Variants in PPP2R2B observed in about 807,000 individuals in gnomAD.
PPP2R2B encodes serine/threonine-protein phosphatase 2A 55 kDa regulatory subunit B beta isoform.
A neutral mutation model predicts 46.0 loss-of-function variants in PPP2R2B; 5 were observed. The observed-to-expected ratio is 0.11, with a 90% CI of 0.06 to 0.23. PPP2R2B has a LOEUF of 0.23. Among genes scored for constraint, PPP2R2B ranks in the 10% least tolerant of loss-of-function variants. PPP2R2B has a pLI of 1.00. For synonymous variants in PPP2R2B, 215 were observed against 206.7 expected (o/e 1.04, Z -0.34); for missense variants, 367 against 575.0 (o/e 0.64, Z 3.70).
intron 1 of PPP2R2B, among the ~76,000 whole-genome samples, chr5:147,027,752 G>A (rs528082658): frequency 3.9e-4 from 60 of 152,208 alleles, no homozygotes; most frequent in African/African-American, 1.4e-3. Context: ...GATGATCAAT[G>A]GGAGTATATA....
intron 2 of PPP2R2B, among the ~76,000 whole-genome samples, chr5:146,716,011 T>C (rs1780476875): frequency 6.6e-6 from 1 of 152,198 alleles, no homozygotes; most frequent in Admixed American, 6.6e-5. Context: ...ATTTCATTTA[T>C]CTAATATATT....
At chr5:146,668,594 T>G (rs1221396275) in intron 5 of PPP2R2B, among the ~76,000 whole-genome samples, 3 of 152,224 alleles carry the variant, frequency 2.0e-5, no homozygotes, top group African/African-American at 4.8e-5. Context: ...TGGGGTGACT[T>G]ATGCCTGGTC....
At chr5:146,799,344 A>G (rs1040798902) in intron 2 of PPP2R2B, among the ~76,000 whole-genome samples, 3 of 152,194 alleles carry the variant, frequency 2.0e-5, no homozygotes, top group African/African-American at 7.2e-5. Flanking sequence ...GGGGAGCTCT[A>G]TTTACTTTTG....
chr5:146,903,171 G>A (rs115216303), intron 1 of PPP2R2B, among the ~76,000 whole-genome samples: 234 of 152,198 alleles, frequency 1.5e-3, no homozygotes, highest in Non-Finnish European at 2.6e-3. Context: ...ATAAAAGCAT[G>A]CCATTGATGT....
In PPP2R2B at chr5:146,701,079, C is replaced by G; in HGVS notation, c.134G>C (p.Gly45Ala). 6.2e-7 allele frequency: 1 copy of G among 1,613,916 alleles called. No individual in the cohort carries two copies. Among genetic ancestry groups the G allele is most frequent in the Non-Finnish European group, 8.5e-7 (1 of 1,179,810 alleles). ...TCGTTGAAATATTACAACCCGACCCCCCTTGTCCCCTGTCGCTAGTAATTC... is the reference window on the plus strand; with the variant it reads ...TCGTTGAAATATTACAACCCGACCCGCCTTGTCCCCTGTCGCTAGTAATTC... ...TGELLATGDK[G>A]GRVVIFQREQ... The change falls in exon 3 of 10, where the codon GGG becomes GCG. Residue 45 changes from glycine to alanine, a missense_variant. This residue lies in a region of PPP2R2B where 361 missense variants were observed against 545.5 expected (regional missense o/e 0.66). Transcript: ENST00000394411.
At chr5:146,778,913 C>T (rs770050004) in intron 2 of PPP2R2B, among the ~76,000 whole-genome samples, 11 of 152,170 alleles carry the variant, frequency 7.2e-5, no homozygotes, top group Non-Finnish European at 1.3e-4. Flanking sequence ...AAAACAGAGC[C>T]GGACTCCAAT....
intron 2 of PPP2R2B, among the ~76,000 whole-genome samples, chr5:146,812,336 GTAGATCTAAGGAGGC>G (rs1481444396): frequency 1.3e-5 from 2 of 149,536 alleles, no homozygotes; most frequent in African/African-American, 4.9e-5. Flanking sequence ...CTGGAGCCTA[GTAGATCTAAGGAGGC>G]TTCGTTGTAG....
chr5:146,847,160 T>C (rs1033503633), intron 2 of PPP2R2B, among the ~76,000 whole-genome samples: 2 of 152,236 alleles, frequency 1.3e-5, no homozygotes, highest in African/African-American at 2.4e-5. Context: ...ACTGGTCTTC[T>C]ACCTCTATCT....
rs2895656 is a variant in PPP2R2B at position 146,625,774 on chromosome 5, G to C, written c.790+12477C>G. The stretch of plus-strand genomic sequence containing the variant: ...ATGGCAAAATGGAATAAAGATTGTG[G>C]ATAGAATTATGATGCTAATCAGCTG... On this transcript the variant is annotated intron_variant, in intron 7 of 9. Coordinates refer to ENST00000394411, the MANE Select transcript of PPP2R2B (RefSeq NM_181675.4). Among the ~76,000 whole-genome samples the C allele has an allele frequency of 6.9e-3, 1,044 of 152,294 alleles. 15 individuals carry two copies. Among genetic ancestry groups the C allele is most frequent in the African/African-American group, 0.024 (989 of 41,560 alleles).
At chr5:146,709,474 G>T (rs1165724952) in intron 2 of PPP2R2B, among the ~76,000 whole-genome samples, 1 of 152,170 alleles carries the variant, frequency 6.6e-6, no homozygotes, top group Non-Finnish European at 1.5e-5. Flanking sequence ...GTGGCTAGGG[G>T]TAATTGTGTG....
At chr5:147,073,321 C>T (rs939358353) in intron 2 of PPP2R2B, among the ~76,000 whole-genome samples, 1 of 152,186 alleles carries the variant, frequency 6.6e-6, no homozygotes, top group East Asian at 1.9e-4. Flanking sequence ...CTCCAGAGCT[C>T]ACTTCTCACC....
chr5:147,005,669 G>A (rs1382842463), intron 1 of PPP2R2B, among the ~76,000 whole-genome samples: 1 of 151,974 alleles, frequency 6.6e-6, no homozygotes, highest in Non-Finnish European at 1.5e-5. Context: ...GAGACAGGAA[G>A]TCAGAGAGAG....
At chr5:146,590,602 T>G (rs548148939) in intron 9 of PPP2R2B, among the ~76,000 whole-genome samples, 5 of 152,270 alleles carry the variant, frequency 3.3e-5, no homozygotes, top group Admixed American at 1.3e-4. Context: ...GAATGAGGTT[T>G]GTCGAAGTAG....
intron 1 of PPP2R2B, among the ~76,000 whole-genome samples, chr5:147,054,369 A>C (rs1383170): frequency 0.9 from 136,235 of 152,118 alleles, 61,760 homozygotes; most frequent in South Asian, 0.97. Flanking sequence ...CATTCCTCTC[A>C]TCCCCTCAAT....
At chr5:146,738,719 C>T (rs1025500099) in intron 2 of PPP2R2B, among the ~76,000 whole-genome samples, 5 of 152,024 alleles carry the variant, frequency 3.3e-5, no homozygotes, top group African/African-American at 9.7e-5. Flanking sequence ...GGTCAGATGT[C>T]GTTAAAGTTC....
chr5:146,785,988 T>C (rs1755814841), intron 2 of PPP2R2B, among the ~76,000 whole-genome samples: 1 of 152,088 alleles, frequency 6.6e-6, no homozygotes, highest in Non-Finnish European at 1.5e-5. Context: ...ACTACAGTTA[T>C]CAATAATTTG....
At chr5:146,997,458 A>T (rs1753975777) in intron 1 of PPP2R2B, among the ~76,000 whole-genome samples, 1 of 152,284 alleles carries the variant, frequency 6.6e-6, no homozygotes, top group South Asian at 2.1e-4. Context: ...GCACCCATGG[A>T]CATGGCCTTT....
intron 5 of PPP2R2B, among the ~76,000 whole-genome samples, chr5:146,652,481 G>A (rs904426727): frequency 2.4e-4 from 37 of 152,078 alleles, no homozygotes; most frequent in Non-Finnish European, 7.4e-5. Flanking sequence ...GGCTAGGTGC[G>A]CAAAAGAGAG....
intron 5 of PPP2R2B, among the ~76,000 whole-genome samples, chr5:146,670,961 A>G (rs1008498389): frequency 6.6e-6 from 1 of 152,220 alleles, no homozygotes; most frequent in African/African-American, 2.4e-5. Context: ...CTAGCCAGAT[A>G]GAGTCATCTG....
Sources: allele counts gnomAD v4.1 joint callset (sites outside exome capture counted in the v4.1 genomes callset), GRCh38; gene constraint gnomAD v4.1.1; regional missense constraint gnomAD v4.1.1; transcripts MANE v1.5; gene names NCBI Gene and HGNC (gene_info 2026-07-23, HGNC 2026-07-21).